NPAS2: variants seen among roughly 807,000 people sequenced by gnomAD.
NPAS2 encodes neuronal PAS domain-containing protein 2.
NPAS2 carries 23 observed loss-of-function variants against 107.5 expected under a neutral mutation model. The observed-to-expected ratio is 0.21, with a 90% confidence interval of 0.15 to 0.30. NPAS2 has a LOEUF of 0.30. NPAS2 is among the 10% of genes least tolerant of loss of function. The probability of loss-of-function intolerance (pLI) is 1.00; values close to 1 mark genes in which losing one functional copy is unlikely to be tolerated. For synonymous variants in NPAS2, 403 were observed against 417.5 expected (o/e 0.97, Z 0.42); for missense variants, 756 against 1,043.3 (o/e 0.72, Z 3.79).
chr2:100,892,334 C>T (rs1681123589), intron 1 of NPAS2, among the ~76,000 whole-genome samples: 1 of 152,222 alleles, frequency 6.6e-6, no homozygotes, highest in African/African-American at 2.4e-5. Context: ...GTCACCCTCT[C>T]TCTGAATAAT....
chr2:100,971,208 A>T, intron 12 of NPAS2, 134 bp downstream of exon 12: 1 of 658,190 alleles, frequency 1.5e-6, no homozygotes, highest in Non-Finnish European at 2.5e-6. Context: ...CTGAGGTGGG[A>T]GGATCCCTTG....
chr2:100,823,721 C>G (rs1676209230), intron 1 of NPAS2: 2 of 152,194 alleles, frequency 1.3e-5, no homozygotes, highest in Admixed American at 1.3e-4. Flanking sequence ...TGGGTTGTAC[C>G]TGCCCTTGAG....
intron 2 of NPAS2, among the ~76,000 whole-genome samples, chr2:100,908,560 G>T (rs888190302): frequency 6.6e-6 from 1 of 152,148 alleles, no homozygotes; most frequent in African/African-American, 2.4e-5. Context: ...TTCCCAAGGG[G>T]TAGAGAAAAT....
At chr2:100,891,159 G>A (rs373269921) in intron 1 of NPAS2, among the ~76,000 whole-genome samples, 7 of 151,982 alleles carry the variant, frequency 4.6e-5, no homozygotes, top group African/African-American at 1.7e-4. Context: ...GTGAACCCGG[G>A]GGGTGGAGCT....
At chr2:100,977,643 A>G (rs768067907) in intron 14 of NPAS2, 67 bp from the exon 15 acceptor site, 93 of 1,405,516 alleles carry the variant, frequency 6.6e-5, no homozygotes, top group Non-Finnish European at 9.3e-5. Context: ...CACCGGACCA[A>G]GAGACCACAT....
chr2:100,890,620 C>G (rs1159185828), intron 1 of NPAS2, among the ~76,000 whole-genome samples: 1 of 152,106 alleles, frequency 6.6e-6, no homozygotes, highest in Non-Finnish European at 1.5e-5. Flanking sequence ...TTTGAACAAA[C>G]CATTCCTTCT....
At chr2:100,831,030 T>C (rs1027927203) in intron 1 of NPAS2, among the ~76,000 whole-genome samples, 1 of 152,184 alleles carries the variant, frequency 6.6e-6, no homozygotes, top group African/African-American at 2.4e-5. Context: ...CTGGGCACAG[T>C]GGCTCATGCC....
intron 1 of NPAS2, among the ~76,000 whole-genome samples, chr2:100,847,850 T>C (rs1677881411): frequency 1.3e-5 from 2 of 152,160 alleles, no homozygotes; most frequent in South Asian, 4.1e-4. Flanking sequence ...CCAAGAATAG[T>C]GTAGAAGGGC....
At chr2:100,818,946 C>T (rs911026440), upstream of NPAS2, among the ~76,000 whole-genome samples, 2 of 152,158 alleles carry the variant, frequency 1.3e-5, no homozygotes, top group African/African-American at 4.8e-5. Flanking sequence ...CGGCGGGGCA[C>T]ACGGTCTCCG....
At chr2:100,974,212 G>T (rs1251288793) in intron 12 of NPAS2, among the ~76,000 whole-genome samples, 8 of 152,208 alleles carry the variant, frequency 5.3e-5, no homozygotes, top group Admixed American at 5.2e-4. Flanking sequence ...GTCCTTCGGA[G>T]TCAGACTGTC....
rs370757509 is a variant in NPAS2 at position 100,887,508 on chromosome 2, C to T, written c.-22-17225C>T. Among the ~76,000 whole-genome samples, 17 of 152,274 alleles carry T rather than the reference C, an allele frequency of 1.1e-4. No homozygotes were observed. The East Asian group carries it at 1.7e-3, about 16-fold the overall frequency. On this transcript the variant is annotated intron_variant, in intron 1 of 20. Transcript: ENST00000335681. The stretch of plus-strand genomic sequence containing the variant: ...CATGCAGGCGAGCTGGGAGGTAGCA[C>T]CACGGTTTCTCAGCAGTGTTCGTGC...
chr2:100,842,197 A>G (rs1677479583), intron 1 of NPAS2, among the ~76,000 whole-genome samples: 1 of 152,124 alleles, frequency 6.6e-6, no homozygotes, highest in Admixed American at 6.6e-5. Context: ...TCTTAGAGAC[A>G]ATTCTAGGTC....
intron 1 of NPAS2, among the ~76,000 whole-genome samples, chr2:100,833,394 A>G (rs1017735764): frequency 6.6e-6 from 1 of 152,202 alleles, no homozygotes; most frequent in Non-Finnish European, 1.5e-5. Context: ...TGACCAGTTC[A>G]CTCAAACTCT....
intron 4 of NPAS2, among the ~76,000 whole-genome samples, chr2:100,937,522 A>T (rs1251725821): frequency 6.6e-6 from 1 of 152,116 alleles, no homozygotes; most frequent in Non-Finnish European, 1.5e-5. Flanking sequence ...ACTAGGTCAC[A>T]TTTTTCACTG....
intron 18 of NPAS2, 77 bp from the exon 19 acceptor site, chr2:100,990,703 G>A (rs1477460513): frequency 2.2e-6 from 3 of 1,351,362 alleles, no homozygotes; most frequent in Middle Eastern, 1.8e-4. Context: ...CAGCCAGGCT[G>A]AGCAAGTGCT....
intron 20 of NPAS2, 65 bp downstream of exon 20, chr2:100,993,592 A>G: frequency 8.1e-7 from 1 of 1,235,822 alleles, no homozygotes. Context: ...CCACACCCGA[A>G]GTCTCAGAGA....
chr2:100,892,744 G>C (rs1373646900), intron 1 of NPAS2, among the ~76,000 whole-genome samples: 1 of 152,122 alleles, frequency 6.6e-6, no homozygotes, highest in Non-Finnish European at 1.5e-5. Context: ...TTTTGAGACA[G>C]AGTCTCGCTC....
chr2:100,875,903 C>T (rs1021041474), intron 1 of NPAS2, among the ~76,000 whole-genome samples: 4 of 152,116 alleles, frequency 2.6e-5, no homozygotes, highest in South Asian at 2.1e-4. Flanking sequence ...CTTCAAGCCA[C>T]GTGATATTAG....
intron 1 of NPAS2, among the ~76,000 whole-genome samples, chr2:100,865,301 G>C (rs1679183356): frequency 1.3e-5 from 2 of 152,174 alleles, no homozygotes; most frequent in African/African-American, 4.8e-5. Context: ...GGAGGAAGCA[G>C]GTCGTGCTGC....
Sources: allele counts gnomAD v4.1 joint callset (sites outside exome capture counted in the v4.1 genomes callset), GRCh38; gene constraint gnomAD v4.1.1; transcripts MANE v1.5; gene names NCBI Gene and HGNC (gene_info 2026-07-23, HGNC 2026-07-21).